The following ACP6 variants were observed in gnomAD, a reference collection of about 807,000 sequenced individuals.
ACP6 encodes the protein lysophosphatidic acid phosphatase type 6.
ACP6 carries 48 observed loss-of-function variants against 48.1 expected under a neutral mutation model. That is an observed-to-expected ratio of 1.00 (90% CI 0.79 to 1.27). ACP6 has a LOEUF of 1.27. ACP6 is among the 50% of genes most tolerant of loss of function. The pLI is 0.00. For synonymous variants in ACP6, 172 were observed against 204.2 expected, an observed-to-expected ratio of 0.84 and a Z score of 1.34; for missense variants, 485 against 529.1, an observed-to-expected ratio of 0.92 and a Z score of 0.82.
downstream of ACP6, among the ~76,000 whole-genome samples, chr1:147,637,730 A>G (rs1277451937): frequency 3.3e-5 from 5 of 152,218 alleles, no homozygotes; most frequent in African/African-American, 1.2e-4. Flanking sequence ...TGAGGCCCCA[A>G]GATCAGAACT....
intron 5 of ACP6, among the ~76,000 whole-genome samples, chr1:147,635,699 A>C (rs1351649086): frequency 6.6e-6 from 1 of 152,196 alleles, no homozygotes; most frequent in Non-Finnish European, 1.5e-5. Flanking sequence ...CTAGATATGG[A>C]GATGTGAATT....
chr1:147,639,525 C>G (rs1173646268), downstream of ACP6, among the ~76,000 whole-genome samples: 1 of 152,172 alleles, frequency 6.6e-6, no homozygotes, highest in Non-Finnish European at 1.5e-5. Flanking sequence ...ATACAACCCT[C>G]CCCTTAATTA....
At chr1:147,652,419 G>A in intron 7 of ACP6, 30 bp downstream of exon 7, 1 of 1,593,950 alleles carries the variant, frequency 6.3e-7, no homozygotes, top group Non-Finnish European at 8.6e-7. Flanking sequence ...GACCAAGCGT[G>A]ACTTCATGCC....
At chr1:147,652,308 A>T in intron 7 of ACP6, 141 bp downstream of exon 7, 1 of 765,414 alleles carries the variant, frequency 1.3e-6, no homozygotes. Flanking sequence ...GCCTACTGGT[A>T]GGTGGGCAGA....
chr1:147,650,077 C>G, intron 8 of ACP6, 66 bp downstream of exon 8: 1 of 1,424,616 alleles, frequency 7.0e-7, no homozygotes, highest in Admixed American at 1.9e-5. Flanking sequence ...GATTTGGGTT[C>G]CCTCCCTACA....
downstream of ACP6, among the ~76,000 whole-genome samples, chr1:147,638,186 G>C (rs368448828): frequency 7.9e-5 from 12 of 152,178 alleles, 2 homozygotes; most frequent in East Asian, 1.3e-3. Context: ...GGTTACAAGG[G>C]ATAATAAACA....
chr1:147,663,138 A>G (rs1254155915), intron 1 of ACP6, among the ~76,000 whole-genome samples: 1 of 152,244 alleles, frequency 6.6e-6, no homozygotes, highest in Non-Finnish European at 1.5e-5. Context: ...CTGGGAAACA[A>G]AAAACAACTG....
rs137987097 is a variant in ACP6 at position 147,647,455 on chromosome 1, T to A, written c.1255A>T (p.Thr419Ser). 20,883 of 1,614,158 alleles carry A rather than the reference T, an allele frequency of 0.013. 177 individuals carry two copies. Among genetic ancestry groups the A allele is most frequent in the Non-Finnish European group, 0.014 (16,897 of 1,180,026 alleles). ...PEKYHALCSQ[T>S]QVMEVGNEE The stretch of plus-strand genomic sequence containing the variant: ...TCATTTCCAACTTCCATCACCTGAG[T>A]TTGAGAGCAGAGTGCGTGGTATTTT... The change falls in exon 10 of 10, where the codon ACT becomes TCT. Residue 419 changes from threonine to serine, a missense_variant. Coordinates refer to ENST00000583509, the MANE Select transcript of ACP6 (RefSeq NM_016361.5).
At chr1:147,668,101 T>C (rs1208471677) in intron 1 of ACP6, among the ~76,000 whole-genome samples, 1 of 152,282 alleles carries the variant, frequency 6.6e-6, no homozygotes, top group Admixed American at 6.5e-5. Context: ...ATAGCCTAAA[T>C]TGAAAGAGAG....
intron 4 of ACP6, among the ~76,000 whole-genome samples, chr1:147,657,947 G>A (rs1450619550): frequency 6.6e-6 from 1 of 152,216 alleles, no homozygotes; most frequent in Non-Finnish European, 1.5e-5. Context: ...TTCCTTCTCA[G>A]TACCACTTCT....
chr1:147,652,689 A>C, intron 6 of ACP6, 140 bp from the exon 7 acceptor site: 1 of 1,578,432 alleles, frequency 6.3e-7, no homozygotes, highest in Non-Finnish European at 8.6e-7. Flanking sequence ...TATGTCTGTT[A>C]ACAGGTCAAG....
chr1:147,640,846 A>G (rs587776192), downstream of ACP6, among the ~76,000 whole-genome samples: 1 of 152,298 alleles, frequency 6.6e-6, no homozygotes, highest in Non-Finnish European at 1.5e-5. Context: ...AGTTCTCCCC[A>G]GCCAGCCTTA....
At chr1:147,630,914 T>G (rs1458293433) in exon 6 of ACP6, 1 of 152,234 alleles carries the variant, frequency 6.6e-6, no homozygotes, top group Non-Finnish European at 1.5e-5. Context: ...CACATGTATA[T>G]GTACCTTAAT....
In ACP6 at chr1:147,670,421, T is replaced by G; in HGVS notation, c.-373A>C. The G allele has an allele frequency of 1.8e-5, 3 of 168,766 alleles. No individual in the cohort carries two copies. The highest frequency in any genetic ancestry group is 3.8e-5 in the Non-Finnish European group (3 of 78,934). The allele number at this position is 168,766 out of a possible 1,614,324, so 10.5% of individuals were successfully genotyped here. ...TGAAGGAACAGGAGCCGGCCCTGAG[T>G]TCCCTGGCGGCAGCGGCTCCACCAG... On this transcript the variant is annotated 5_prime_UTR_variant, in exon 1 of 10. Transcript: ENST00000583509.
chr1:147,634,190 T>G (rs1227404422), intron 5 of ACP6, among the ~76,000 whole-genome samples: 1 of 152,232 alleles, frequency 6.6e-6, no homozygotes, highest in Non-Finnish European at 1.5e-5. Context: ...GGTTTGCATT[T>G]CTCTGATGAG....
chr1:147,648,556 G>T, intron 8 of ACP6, 145 bp from the exon 9 acceptor site: 1 of 919,052 alleles, frequency 1.1e-6, no homozygotes, highest in Non-Finnish European at 1.6e-6. Context: ...AAAGTCCTTT[G>T]CAGTAGATCG....
intron 5 of ACP6, among the ~76,000 whole-genome samples, chr1:147,632,221 A>ACACACACACT (rs1659188638): frequency 6.6e-6 from 1 of 150,988 alleles, no homozygotes; most frequent in South Asian, 2.1e-4. Context: ...ACACACACAC[A>ACACACACACT]CACCATCATT....
At chr1:147,641,466 C>A (rs1315797311), downstream of ACP6, among the ~76,000 whole-genome samples, 6 of 152,204 alleles carry the variant, frequency 3.9e-5, no homozygotes, top group African/African-American at 1.4e-4. Flanking sequence ...CCACGAGGCC[C>A]TCGGGAAGAG....
intron 5 of ACP6, among the ~76,000 whole-genome samples, chr1:147,636,210 G>A (rs782815761): frequency 7.9e-5 from 12 of 152,158 alleles, no homozygotes; most frequent in Non-Finnish European, 1.3e-4. Context: ...TGCTCAGTAC[G>A]TTTGGCAGTA....
Sources: allele counts gnomAD v4.1 joint callset (sites outside exome capture counted in the v4.1 genomes callset), GRCh38; gene constraint gnomAD v4.1.1; transcripts MANE v1.5; gene names NCBI Gene and HGNC (gene_info 2026-07-23, HGNC 2026-07-21).